Variants in NDUFA5 observed in about 807,000 individuals in gnomAD.
The protein encoded by NDUFA5 is NADH dehydrogenase [ubiquinone] 1 alpha subcomplex subunit 5.
A neutral mutation model predicts 19.8 loss-of-function variants in NDUFA5; 11 were observed. The observed-to-expected ratio is 0.56, with a 90% confidence interval of 0.35 to 0.92. The LOEUF is 0.92. Ranked by LOEUF, NDUFA5 falls within the 40% of genes least tolerant of loss-of-function variation. The probability of loss-of-function intolerance (pLI) is 0.01; values close to 1 mark genes in which losing one functional copy is unlikely to be tolerated. For synonymous variants in NDUFA5, 47 were observed against 46.8 expected, an observed-to-expected ratio of 1.00 and a Z score of -0.01; for missense variants, 109 against 134.2, an observed-to-expected ratio of 0.81 and a Z score of 0.93.
chr7:123,565,089 G>A, the NDUFA5 span, among the ~76,000 whole-genome samples: 2 of 152,064 alleles, frequency 1.3e-5, no homozygotes, highest in Non-Finnish European at 2.9e-5. Context: ...TTCAGTCCAA[G>A]CCCAAAAGCC....
rs185542484 is a variant in NDUFA5, at chr7:123,546,844, T to C, written c.184-1168A>G. 1.5e-4 allele frequency: 74 copies of C among 505,126 alleles called. 1 individual carries two copies. The highest frequency in any genetic ancestry group is 1.1e-3 in the South Asian group (73 of 64,960). 31.3% of individuals were successfully genotyped at this position (505,126 alleles called of 1,614,324 possible). A position where few individuals can be genotyped will look rare whatever the true frequency, so the allele number is the denominator to read the frequency against. ...TGAAAAATACCACAAAAGATATACA[T>C]GTATTAATTTCTAGAAACTGTGAGT... On this transcript the variant is annotated intron_variant, in intron 3 of 4. Coordinates refer to ENST00000355749, the MANE Select transcript of NDUFA5 (RefSeq NM_005000.5).
rs187267266 is a variant in NDUFA5 at position 123,549,841 on chromosome 7, T to C, written c.183+629A>G. 2.6e-3 allele frequency among the ~76,000 whole-genome samples: 394 copies of C among 152,304 alleles called. 4 individuals are homozygous for C. The highest frequency in any genetic ancestry group is 3.4e-3 in the Middle Eastern group (1 of 292). On this transcript the variant is annotated intron_variant, in intron 3 of 4. Coordinates refer to ENST00000355749, the MANE Select transcript of NDUFA5 (RefSeq NM_005000.5). Reference sequence around the variant, plus strand: ...GTTTTGTTGCATACCTAACGAAAGATAGGAATTCTCTTTGAACTATATAGT... The same window carrying C: ...GTTTTGTTGCATACCTAACGAAAGACAGGAATTCTCTTTGAACTATATAGT...
the NDUFA5 span, among the ~76,000 whole-genome samples, chr7:123,567,818 G>C: frequency 6.9e-6 from 1 of 143,928 alleles, no homozygotes; most frequent in East Asian, 2.0e-4. Context: ...ACCTTGGAAA[G>C]AAAAAAAAAA....
At chr7:123,577,967 C>G in the NDUFA5 span, among the ~76,000 whole-genome samples, 4 of 151,422 alleles carry the variant, frequency 2.6e-5, no homozygotes, top group Non-Finnish European at 5.9e-5. Context: ...TAGGTATACA[C>G]GTGCCATGGT....
At chr7:123,574,222 G>C in the NDUFA5 span, among the ~76,000 whole-genome samples, 3 of 126,576 alleles carry the variant, frequency 2.4e-5, no homozygotes, top group African/African-American at 9.0e-5. Flanking sequence ...TTTTTTTTCT[G>C]ATTCACTATT....
rs1798602827 is a variant in NDUFA5, at chr7:123,557,478, G to C, written c.22-30C>G. 3 of 1,612,636 alleles carry C rather than the reference G, an allele frequency of 1.9e-6. No individual in the cohort carries two copies. The African/African-American group carries it at 4.0e-5, about 22-fold the overall frequency. ...TCAAAAACAAAACACGATTCATGCT[G>C]TTTACTACGGTTTCCATACATCCAG... On this transcript the variant is annotated intron_variant, in intron 1 of 4. Transcript: ENST00000355749.
intron 2 of NDUFA5, among the ~76,000 whole-genome samples, chr7:123,553,037 G>A (rs1432794829): frequency 1.3e-5 from 2 of 152,094 alleles, no homozygotes; most frequent in East Asian, 3.9e-4. Context: ...TTACCACCAC[G>A]CAACACCAGC....
At chr7:123,572,543 G>A in the NDUFA5 span, among the ~76,000 whole-genome samples, 5 of 151,122 alleles carry the variant, frequency 3.3e-5, no homozygotes, top group African/African-American at 7.3e-5. Context: ...TTTACCAATC[G>A]TAAAGATTGA....
In NDUFA5 at chr7:123,539,892, G is replaced by A. The variant is rs1797869130; in HGVS notation, c.*2227C>T. ...AAGAGAGCAGGATCTAGTTTCATTT[G>A]GTACAGCCCATACAGCACAGGAAGA... On this transcript the variant is annotated 3_prime_UTR_variant, in exon 5 of 5. Transcript: ENST00000355749. 6.6e-6 allele frequency: 1 copy of A among 152,118 alleles called. No individual in the cohort carries two copies. The highest frequency in any genetic ancestry group is 2.4e-5 in the African/African-American group (1 of 41,422). 9.4% of individuals were successfully genotyped at this position (152,118 alleles called of 1,614,324 possible). A position where few individuals can be genotyped will look rare whatever the true frequency, so the allele number is the denominator to read the frequency against.
At chr7:123,570,161 A>G in the NDUFA5 span, among the ~76,000 whole-genome samples, 1 of 151,012 alleles carries the variant, frequency 6.6e-6, no homozygotes, top group African/African-American at 2.4e-5. Flanking sequence ...CAGCCTCCCA[A>G]GTAGCTGGGA....
chr7:123,576,264 C>T, the NDUFA5 span, among the ~76,000 whole-genome samples: 1 of 151,266 alleles, frequency 6.6e-6, no homozygotes, highest in East Asian at 1.9e-4. Context: ...TGATCTTCCT[C>T]TATTTTATTT....
chr7:123,538,542 T>C lies in NDUFA5; in HGVS notation c.*3577A>G, dbSNP rs1797821164. On this transcript the variant is annotated 3_prime_UTR_variant, in exon 5 of 5. Transcript: ENST00000355749. ...GTTGTAGCATAGGCTACAATCTCACTGAACACTTAGTTTTTGTTTTTGTTT... is the reference window on the plus strand; with the variant it reads ...GTTGTAGCATAGGCTACAATCTCACCGAACACTTAGTTTTTGTTTTTGTTT... 2.0e-5 allele frequency: 3 copies of C among 152,230 alleles called. No individual in the cohort carries two copies. The allele number at this position is 152,230 out of a possible 1,614,324, so 9.4% of individuals were successfully genotyped here.
At chr7:123,556,811 T>A in intron 2 of NDUFA5, 1 of 495,920 alleles carries the variant, frequency 2.0e-6, no homozygotes, top group Non-Finnish European at 3.9e-6. Flanking sequence ...AGATAATTGG[T>A]GAACTTGAAA....
At chr7:123,591,821 G>A in the NDUFA5 span, among the ~76,000 whole-genome samples, 3 of 152,152 alleles carry the variant, frequency 2.0e-5, no homozygotes, top group Non-Finnish European at 2.9e-5. Context: ...CATAAAATGA[G>A]TTAGGGAAGA....
At chr7:123,583,664 G>C in the NDUFA5 span, among the ~76,000 whole-genome samples, 1 of 151,910 alleles carries the variant, frequency 6.6e-6, no homozygotes, top group Non-Finnish European at 1.5e-5. Flanking sequence ...CGGAGAGAAG[G>C]CACAGGAAAG....
intron 2 of NDUFA5, among the ~76,000 whole-genome samples, chr7:123,553,832 T>A (rs867706909): frequency 6.6e-6 from 1 of 152,166 alleles, no homozygotes; most frequent in Non-Finnish European, 1.5e-5. Context: ...TAAGTTTCAC[T>A]AAGTATTAGC....
At chr7:123,566,698 A>G in the NDUFA5 span, among the ~76,000 whole-genome samples, 20 of 152,354 alleles carry the variant, frequency 1.3e-4, no homozygotes, top group East Asian at 9.6e-4. Context: ...ACATTTTCAT[A>G]AATATAAAGA....
In NDUFA5 at chr7:123,541,989, AAC is replaced by A. The variant is rs1267022869; in HGVS notation, c.*128_*129del. On this transcript the variant is annotated 3_prime_UTR_variant, in exon 5 of 5. Transcript: ENST00000355749. The stretch of plus-strand genomic sequence containing the variant: ...CCATATTACCATAATCACCAATTTT[AAC>A]AGTCTCCTACATATTTTCTATATCA... 7.7e-6 allele frequency: 4 copies of A among 520,832 alleles called. No individual in the cohort carries two copies. Among genetic ancestry groups the A allele is most frequent in the African/African-American group, 2.0e-5 (1 of 50,090 alleles). The allele number at this position is 520,832 out of a possible 1,614,324, so 32.3% of individuals were successfully genotyped here.
At chr7:123,557,624 C>T in intron 1 of NDUFA5, 151 bp downstream of exon 1, 1 of 1,613,666 alleles carries the variant, frequency 6.2e-7, no homozygotes, top group Middle Eastern at 1.6e-4. Flanking sequence ...GAACCACTAA[C>T]CTGCCCTACC....
Sources: allele counts gnomAD v4.1 joint callset (sites outside exome capture counted in the v4.1 genomes callset), GRCh38; gene constraint gnomAD v4.1.1; transcripts MANE v1.5; gene names NCBI Gene and HGNC (gene_info 2026-07-23, HGNC 2026-07-21).